HDAC8: variants seen among roughly 807,000 people sequenced by gnomAD.
HDAC8 encodes the protein histone deacetylase-like 1.
HDAC8 carries 1 observed loss-of-function variant against 32.2 expected under a neutral mutation model. That is an observed-to-expected ratio of 0.03 (90% CI 0.01 to 0.15). The LOEUF is 0.15. HDAC8 is among the 10% of genes least tolerant of loss of function. HDAC8 has a pLI of 1.00. For missense variants in HDAC8, 117 were observed against 300.0 expected, an observed-to-expected ratio of 0.39 and a Z score of 4.51; for synonymous variants, 108 against 113.9, an observed-to-expected ratio of 0.95 and a Z score of 0.33.
At chrX:72,486,578 G>A (rs1287280627) in intron 7 of HDAC8, among the ~76,000 whole-genome samples, 1 of 111,650 alleles carries the variant, frequency 9.0e-6, no homozygotes, top group Admixed American at 9.5e-5. Context: ...TTGGGAAGCT[G>A]AAGCAAGGGG....
intron 9 of HDAC8, among the ~76,000 whole-genome samples, chrX:72,379,396 C>T (rs1265832016): frequency 9.1e-6 from 1 of 109,485 alleles, no homozygotes; most frequent in Non-Finnish European, 1.9e-5. Flanking sequence ...AAAAATTGAA[C>T]GTTTAAAATT....
At chrX:72,536,138 A>G (rs1556039160) in intron 4 of HDAC8, among the ~76,000 whole-genome samples, 1 of 112,043 alleles carries the variant, frequency 8.9e-6, no homozygotes, top group East Asian at 2.8e-4. Context: ...GGCCCAGTTC[A>G]TGTAGCTGTC....
intron 9 of HDAC8, among the ~76,000 whole-genome samples, chrX:72,394,853 C>T (rs1555965127): frequency 8.9e-6 from 1 of 111,840 alleles, no homozygotes; most frequent in African/African-American, 3.3e-5. Context: ...TATTTATTCT[C>T]ATAAATCCCC....
chrX:72,474,859 T>A (rs1472351880), intron 7 of HDAC8: 1 of 415,234 alleles, frequency 2.4e-6, no homozygotes, highest in Non-Finnish European at 4.2e-6. Flanking sequence ...TTCTACTGTG[T>A]GCCTTTGAGA....
rs189166176 is a variant in HDAC8, at chrX:72,553,411, C to A, written c.437+14478G>T. Among the ~76,000 whole-genome samples, 15 of 111,780 alleles carry A rather than the reference C, an allele frequency of 1.3e-4. No individual in the cohort carries two copies. The East Asian group carries it at 4.2e-3, about 31-fold the overall frequency. ...GGATATGTTGCAGTATACTACCTAACCCACTGTTGTTGAATATTTGGGTCT... is the reference window on the plus strand; with the variant it reads ...GGATATGTTGCAGTATACTACCTAAACCACTGTTGTTGAATATTTGGGTCT... On this transcript the variant is annotated intron_variant, in intron 4 of 10. Transcript: ENST00000373573.
chrX:72,491,774 T>C (rs1442773322), intron 5 of HDAC8, among the ~76,000 whole-genome samples: 2 of 111,731 alleles, frequency 1.8e-5, no homozygotes, highest in African/African-American at 6.5e-5. Context: ...CCTCTACGTA[T>C]ACAGGTAAAC....
chrX:72,498,114 A>G (rs1444134106), intron 4 of HDAC8, among the ~76,000 whole-genome samples: 2 of 108,523 alleles, frequency 1.8e-5, no homozygotes, highest in Admixed American at 2.0e-4. Flanking sequence ...GAACTTTAGT[A>G]TCAAATATTC....
chrX:72,435,075 G>A (rs182821579), intron 9 of HDAC8, among the ~76,000 whole-genome samples: 1 of 112,593 alleles, frequency 8.9e-6, no homozygotes, highest in African/African-American at 3.2e-5. Context: ...ATAATGAACA[G>A]TAAGTCTTGA....
intron 9 of HDAC8, among the ~76,000 whole-genome samples, chrX:72,434,766 G>C (rs958575338): frequency 9.0e-6 from 1 of 111,409 alleles, no homozygotes; most frequent in Admixed American, 9.5e-5. Flanking sequence ...AAAATTTATT[G>C]AGTGCTTACT....
At chrX:72,525,040 G>C (rs782155048) in intron 4 of HDAC8, among the ~76,000 whole-genome samples, 2 of 111,677 alleles carry the variant, frequency 1.8e-5, no homozygotes, top group African/African-American at 6.5e-5. Context: ...CCTGGCATGC[G>C]CAGTTCACAA....
rs782537024 is a variant in HDAC8 at position 72,428,314 on chromosome X, G to A, written c.1005+33690C>T. 1.4e-3 allele frequency among the ~76,000 whole-genome samples: 160 copies of A among 112,050 alleles called. 2 individuals are homozygous for A. Among genetic ancestry groups the A allele is most frequent in the African/African-American group, 4.3e-3 (133 of 30,819 alleles). The stretch of plus-strand genomic sequence containing the variant: ...TCACCACGTTGGTCAGGCCGGTCTC[G>A]AACTCCTGACCTCGTGATCCGCCTG... On this transcript the variant is annotated intron_variant, in intron 9 of 10. Transcript: ENST00000373573.
chrX:72,507,138 C>T (rs1302550487), intron 4 of HDAC8, among the ~76,000 whole-genome samples: 1 of 111,724 alleles, frequency 9.0e-6, no homozygotes, highest in Non-Finnish European at 1.9e-5. Context: ...CATGAGCCAC[C>T]ACACCTGGCC....
intron 4 of HDAC8, among the ~76,000 whole-genome samples, chrX:72,508,260 T>C (rs782163581): frequency 8.9e-6 from 1 of 112,159 alleles, no homozygotes; most frequent in Admixed American, 9.4e-5. Flanking sequence ...TGTTGGCATA[T>C]AATAAAAATA....
At chrX:72,359,287 A>G (rs1297159252) in intron 9 of HDAC8, among the ~76,000 whole-genome samples, 2 of 109,691 alleles carry the variant, frequency 1.8e-5, no homozygotes, top group Non-Finnish European at 3.8e-5. Context: ...TTAAATCTCT[A>G]TATTATCCAC....
chrX:72,344,034 T>C (rs1346550339), intron 10 of HDAC8, among the ~76,000 whole-genome samples: 1 of 111,961 alleles, frequency 8.9e-6, no homozygotes, highest in Non-Finnish European at 1.9e-5. Context: ...CTCCCATTTT[T>C]GGCCAGAGTG....
intron 4 of HDAC8, among the ~76,000 whole-genome samples, chrX:72,543,531 A>G (rs1460872958): frequency 9.0e-6 from 1 of 111,580 alleles, no homozygotes; most frequent in Non-Finnish European, 1.9e-5. Flanking sequence ...TGAATCTACA[A>G]TAGAGTTCAT....
At chrX:72,446,500 A>G (rs1179197653) in intron 9 of HDAC8, among the ~76,000 whole-genome samples, 1 of 110,133 alleles carries the variant, frequency 9.1e-6, no homozygotes, top group Non-Finnish European at 1.9e-5. Context: ...ACACGTGGAC[A>G]CAGGAAGGGG....
intron 9 of HDAC8, among the ~76,000 whole-genome samples, chrX:72,394,477 C>T (rs1183245633): frequency 8.9e-6 from 1 of 112,217 alleles, no homozygotes; most frequent in East Asian, 2.8e-4. Flanking sequence ...ACAGGGCCAC[C>T]TGACGTCTCC....
intron 10 of HDAC8, among the ~76,000 whole-genome samples, chrX:72,342,755 T>A (rs990025431): frequency 8.9e-6 from 1 of 112,168 alleles, no homozygotes; most frequent in Non-Finnish European, 1.9e-5. Flanking sequence ...GAAAATTCCT[T>A]ATTTCCTCTT....
Sources: allele counts gnomAD v4.1 joint callset (sites outside exome capture counted in the v4.1 genomes callset), GRCh38; gene constraint gnomAD v4.1.1; transcripts MANE v1.5; gene names NCBI Gene and HGNC (gene_info 2026-07-23, HGNC 2026-07-21).